Variants in ANXA11 observed in about 807,000 individuals in gnomAD.
The protein encoded by ANXA11 is 56 kDa autoantigen.
ANXA11 carries 57 observed loss-of-function variants against 64.7 expected under a neutral mutation model. That is an observed-to-expected ratio of 0.88 (90% CI 0.71 to 1.10). The LOEUF is 1.10. Among genes scored for constraint, ANXA11 ranks in the 50% least tolerant of loss-of-function variants. The pLI, the probability that ANXA11 is intolerant of heterozygous loss-of-function variation, is 0.00. For synonymous variants in ANXA11, 260 were observed against 265.2 expected, an observed-to-expected ratio of 0.98 and a Z score of 0.19; for missense variants, 675 against 670.7, an observed-to-expected ratio of 1.01 and a Z score of -0.07.
chr10:80,164,401 C>T (rs10466227), intron 8 of ANXA11, among the ~76,000 whole-genome samples: 2,329 of 152,222 alleles, frequency 0.015, 60 homozygotes, highest in African/African-American at 0.053. Flanking sequence ...AACTGAGCAT[C>T]AGAGAGGGGT....
At chr10:80,167,354 C>T (rs746136259) in intron 5 of ANXA11, 41 bp from the exon 6 acceptor site, 10 of 1,572,040 alleles carry the variant, frequency 6.4e-6, no homozygotes, top group African/African-American at 5.4e-5. Context: ...TCGTGCATGC[C>T]GCCTTCCCCA....
At chr10:80,170,717 G>C (rs1163061937) in intron 4 of ANXA11, 83 bp downstream of exon 4, 1 of 1,121,600 alleles carries the variant, frequency 8.9e-7, no homozygotes, top group East Asian at 2.8e-5. Context: ...GACAACTCTG[G>C]AGCCCCAGAG....
intron 2 of ANXA11, among the ~76,000 whole-genome samples, chr10:80,174,205 T>G (rs1638864068): frequency 6.6e-6 from 1 of 152,032 alleles, no homozygotes; most frequent in Non-Finnish European, 1.5e-5. Flanking sequence ...CACACACAGC[T>G]AATTTTTTTT....
chr10:80,168,882 T>G, intron 5 of ANXA11, 87 bp downstream of exon 5: 2 of 1,379,706 alleles, frequency 1.4e-6, no homozygotes, highest in Non-Finnish European at 1.9e-6. Flanking sequence ...GCCTGCGCCT[T>G]TCCCTGTCTC....
intron 1 of ANXA11, among the ~76,000 whole-genome samples, chr10:80,189,852 G>A (rs1236925607): frequency 6.6e-6 from 1 of 152,216 alleles, no homozygotes; most frequent in African/African-American, 2.4e-5. Context: ...TAGTCAAAAG[G>A]TGGAAACAAC....
intron 1 of ANXA11, among the ~76,000 whole-genome samples, chr10:80,203,966 T>C (rs183589209): frequency 6.6e-4 from 100 of 152,336 alleles, no homozygotes; most frequent in African/African-American, 2.2e-3. Context: ...ACACACTTTA[T>C]GGCTAATGTG....
rs938576958 is a variant in ANXA11 at position 80,162,120 on chromosome 10, T to C, written c.1087-92A>G. The stretch of plus-strand genomic sequence containing the variant: ...GAGAGCCTGGTAAACTTCTGAAGGT[T>C]TGAGCCTAAAGTATTTGCCAATTTG... On this transcript the variant is annotated intron_variant, in intron 11 of 15. Transcript: ENST00000422982. 7.1e-6 allele frequency: 8 copies of C among 1,131,616 alleles called. No individual in the cohort carries two copies. In the African/African-American group the frequency reaches 9.2e-5, roughly 13 times the overall value. 70.1% of individuals were successfully genotyped at this position (1,131,616 alleles called of 1,614,324 possible).
Position 80,188,468 on chromosome 10 carries a change from G to GTAATATATATA in ANXA11, c.-57-12314_-57-12313insTATATATATTA, listed in dbSNP as rs1269735368. Among the ~76,000 whole-genome samples the GTAATATATATA allele has an allele frequency of 4.2e-4, 46 of 110,412 alleles. 2 individuals carry two copies. The highest frequency in any genetic ancestry group is 1.5e-3 in the African/African-American group (45 of 29,938). The allele number at this position is 110,412 out of a possible 152,430, so 72.4% of individuals were successfully genotyped here. A position where few individuals can be genotyped will look rare whatever the true frequency, so the allele number is the denominator to read the frequency against. ...CATCTCATTACACAGCTGTGAGAATGTAGTATTCTCACATATATATATATA... is the reference window on the plus strand; with the variant it reads ...CATCTCATTACACAGCTGTGAGAATGTAATATATATATAGTATTCTCACATATATATATATA... On this transcript the variant is annotated intron_variant, in intron 1 of 15. Coordinates refer to ENST00000422982, the MANE Select transcript of ANXA11 (RefSeq NM_145868.2).
chr10:80,158,569 G>C (rs1353216663), intron 13 of ANXA11, among the ~76,000 whole-genome samples: 11 of 152,226 alleles, frequency 7.2e-5, no homozygotes, highest in Non-Finnish European at 1.6e-4. Context: ...TGAGTAGAAA[G>C]AGGGGTTGTG....
Position 80,163,532 on chromosome 10 carries a change from A to C in ANXA11, c.1029+2T>G, listed in dbSNP as rs764301888. The stretch of plus-strand genomic sequence containing the variant: ...CCCCGAGCCCTGTCGTGGGAAAAGT[A>C]CCTGAGAGAGAGAGATGAGGAGCCG... On this transcript the variant is annotated splice_donor_variant, in intron 10 of 15. Transcript: ENST00000422982. LOFTEE classifies it high-confidence loss of function. 5.0e-6 allele frequency: 8 copies of C among 1,584,880 alleles called. No homozygotes were observed. The highest frequency in any genetic ancestry group is 6.0e-6 in the Non-Finnish European group (7 of 1,164,776).
In ANXA11 at chr10:80,205,403, C is replaced by T. The variant is rs1840632490; in HGVS notation, c.-118G>A. ...GGGACGTGGGCGGGAGTGGCTCTCT[C>T]CGCGGGCGTCCCGGGCGCGGCGCCT... is the stretch of plus-strand genomic sequence containing the variant. On this transcript the variant is annotated 5_prime_UTR_variant, in exon 1 of 16. Transcript: ENST00000422982. 6.7e-6 allele frequency: 1 copy of T among 149,356 alleles called. No individual in the cohort carries two copies. The highest frequency in any genetic ancestry group is 1.5e-5 in the Non-Finnish European group (1 of 67,414). 9.3% of individuals were successfully genotyped at this position (149,356 alleles called of 1,614,324 possible).
chr10:80,162,003 C>A lies in ANXA11; in HGVS notation c.1112G>T (p.Arg371Leu), dbSNP rs139186583. Residue 371 changes from arginine to leucine, a missense_variant, in exon 12 of 16, where the codon CGC (arginine) becomes CTC (leucine). Coordinates refer to ENST00000422982, the MANE Select transcript of ANXA11 (RefSeq NM_145868.2). The stretch of plus-strand genomic sequence containing the variant: ...GAACTTGGACTCGTCTGTTCCCAGG[C>A]GGTTCTCCCCGGCCGCATACAGCTC... ...AQELYAAGEN[R>L]LGTDESKFNA... 4 of 1,611,624 alleles carry A rather than the reference C, an allele frequency of 2.5e-6. No homozygotes were observed. The African/African-American group carries it at 4.0e-5, about 16-fold the overall frequency.
chr10:80,156,113 G>A (rs570730168), intron 15 of ANXA11, among the ~76,000 whole-genome samples: 3 of 152,236 alleles, frequency 2.0e-5, no homozygotes, highest in African/African-American at 4.8e-5. Context: ...ATCAGAAGAC[G>A]GAAAGCAGCA....
chr10:80,171,116 C>G (rs1401852005), intron 3 of ANXA11: 18 of 1,490,454 alleles, frequency 1.2e-5, no homozygotes, highest in Non-Finnish European at 1.6e-5. Context: ...AAACCTTCCC[C>G]TCTTCCCAGG....
chr10:80,165,826 G>C (rs1845696666), intron 8 of ANXA11, among the ~76,000 whole-genome samples: 1 of 152,162 alleles, frequency 6.6e-6, no homozygotes, highest in Admixed American at 6.5e-5. Flanking sequence ...AAGATGGAGA[G>C]AGACTTAAGC....
At chr10:80,188,834 C>T (rs752862603) in intron 1 of ANXA11, among the ~76,000 whole-genome samples, 1 of 152,146 alleles carries the variant, frequency 6.6e-6, no homozygotes, top group Non-Finnish European at 1.5e-5. Flanking sequence ...AGAAAAGGGT[C>T]ACAGATCCTG....
intron 1 of ANXA11, among the ~76,000 whole-genome samples, chr10:80,204,674 T>TA (rs1840594267): frequency 6.6e-6 from 1 of 152,146 alleles, no homozygotes; most frequent in African/African-American, 2.4e-5. Context: ...CCATTTTACC[T>TA]AAGTCTTAAG....
At chr10:80,174,528 C>T (rs1589433809) in intron 2 of ANXA11, among the ~76,000 whole-genome samples, 2 of 151,588 alleles carry the variant, frequency 1.3e-5, no homozygotes, top group South Asian at 4.2e-4. Context: ...CTGCCTGCCT[C>T]GGCTTCCCAA....
chr10:80,189,906 T>A lies in ANXA11; in HGVS notation c.-57-13751A>T, dbSNP rs532958828. Reference sequence around the variant, plus strand: ...ATGAATGGATAAACAAAACAAGATCTCCACATAAAAAGAGAATATCATTCA... The same window carrying A: ...ATGAATGGATAAACAAAACAAGATCACCACATAAAAAGAGAATATCATTCA... On this transcript the variant is annotated intron_variant, in intron 1 of 15. Coordinates refer to ENST00000422982, the MANE Select transcript of ANXA11 (RefSeq NM_145868.2). Among the ~76,000 whole-genome samples, 9 of 152,258 alleles carry A rather than the reference T, an allele frequency of 5.9e-5. No individual in the cohort carries two copies. In the East Asian group the frequency reaches 1.5e-3, roughly 26 times the overall value.
Sources: gnomAD v4.1 joint callset for allele counts (sites outside exome capture counted in the v4.1 genomes callset) on GRCh38, gnomAD v4.1.1 for gene constraint, MANE v1.5 for transcripts, NCBI Gene and HGNC (gene_info 2026-07-23, HGNC 2026-07-21) for gene names.